The following UGT1A9 variants were observed in gnomAD, a reference collection of about 807,000 sequenced individuals.
UGT1A9 encodes UDP-glucuronosyltransferase 1A9.
A neutral mutation model predicts 45.0 loss-of-function variants in UGT1A9; 35 were observed. That is an observed-to-expected ratio of 0.78 (90% CI 0.59 to 1.03). The LOEUF (loss-of-function observed/expected upper bound fraction) is 1.03, where lower values mean the gene tolerates loss of function less well. Ranked by LOEUF, UGT1A9 falls within the 50% of genes least tolerant of loss-of-function variation. UGT1A9 has a pLI of 0.00. For missense variants in UGT1A9, 687 were observed against 666.6 expected (o/e 1.03, Z -0.34); for synonymous variants, 278 against 250.6 (o/e 1.11, Z -1.03).
intron 1 of UGT1A9, chr2:233,754,324 G>A (rs1695452897): frequency 4.1e-6 from 1 of 246,506 alleles, no homozygotes; most frequent in South Asian, 5.3e-5. Context: ...TCTGCCTCAG[G>A]CTTAAGTTTA....
intron 1 of UGT1A9, among the ~76,000 whole-genome samples, chr2:233,765,526 T>G (rs1002018733): frequency 1.3e-5 from 2 of 151,960 alleles, no homozygotes; most frequent in East Asian, 3.9e-4. Flanking sequence ...AAACACCGCA[T>G]GTTCTCACTC....
In UGT1A9 at chr2:233,772,560, G is replaced by A. The variant is rs773424672; in HGVS notation, c.*1G>A. On this transcript the variant is annotated 3_prime_UTR_variant, in exon 5 of 5. Coordinates refer to ENST00000354728, the MANE Select transcript of UGT1A9 (RefSeq NM_021027.3). Reference sequence around the variant, plus strand: ...AGCCCACAAATCCAAGACCCATTGAGAAGTGGGTGGGAAATAAGGTAAAAT... The same window carrying A: ...AGCCCACAAATCCAAGACCCATTGAAAAGTGGGTGGGAAATAAGGTAAAAT... 4 of 1,613,722 alleles carry A rather than the reference G, an allele frequency of 2.5e-6. No homozygotes were observed. The South Asian group carries it at 3.3e-5, about 13-fold the overall frequency.
At chr2:233,713,858 G>C (rs1294382978) in intron 1 of UGT1A9, 5 of 1,613,740 alleles carry the variant, frequency 3.1e-6, no homozygotes, top group African/African-American at 1.3e-5. Flanking sequence ...CACTATCTCA[G>C]GTCTGTATTG....
At chr2:233,747,229 C>A in intron 1 of UGT1A9, 1 of 1,605,300 alleles carries the variant, frequency 6.2e-7, no homozygotes, top group Non-Finnish European at 8.5e-7. Flanking sequence ...CACAGGACCC[C>A]AGGTTCCCCT....
chr2:233,748,002 G>C (rs1380342969), intron 1 of UGT1A9: 18 of 1,613,382 alleles, frequency 1.1e-5, no homozygotes, highest in Non-Finnish European at 1.4e-5. Flanking sequence ...CTTTGTGATG[G>C]ATTACCCCAG....
At chr2:233,674,309 A>G (rs983247103) in intron 1 of UGT1A9, among the ~76,000 whole-genome samples, 2 of 152,182 alleles carry the variant, frequency 1.3e-5, no homozygotes, top group African/African-American at 4.8e-5. Context: ...TCGGATCTTC[A>G]CAAGACTAGG....
intron 1 of UGT1A9, among the ~76,000 whole-genome samples, chr2:233,726,597 T>C (rs1191602652): frequency 6.6e-6 from 1 of 152,194 alleles, no homozygotes; most frequent in Non-Finnish European, 1.5e-5. Flanking sequence ...AGAGCCCTTG[T>C]GATTACACTG....
chr2:233,768,263 T>C lies in UGT1A9; in HGVS notation c.1119T>C (p.His373=), dbSNP rs1699595501. The C allele has an allele frequency of 2.5e-6, 4 of 1,614,154 alleles. No individual in the cohort carries two copies. Among genetic ancestry groups the C allele is most frequent in the Non-Finnish European group, 3.4e-6 (4 of 1,180,014 alleles). ...CCTTTATCACCCATGCTGGTTCCCA[T>C]GGTGTTTATGAAAGCATATGCAATG... The part of the protein sequence containing the change: ...TRAFITHAGS[H]GVYESICNGV... Residue 373 remains histidine (H), a synonymous_variant, in exon 4 of 5, where the codon CAT becomes CAC. Coordinates refer to ENST00000354728, the MANE Select transcript of UGT1A9 (RefSeq NM_021027.3).
At chr2:233,748,117 C>G in intron 1 of UGT1A9, 1 of 1,611,604 alleles carries the variant, frequency 6.2e-7, no homozygotes, top group Non-Finnish European at 8.5e-7. Context: ...ATGTTCCAGG[C>G]AAAACAGTTT....
intron 1 of UGT1A9, among the ~76,000 whole-genome samples, chr2:233,684,889 G>C (rs2074708348): frequency 6.6e-6 from 1 of 152,130 alleles, no homozygotes; most frequent in Non-Finnish European, 1.5e-5. Flanking sequence ...GTGTGTCTTG[G>C]AAAAGTATAC....
At position 233,736,090 on chromosome 2, in the gene UGT1A9, T is replaced by C. The variant is rs1422886640; in HGVS notation, c.856-30944T>C. ...AGGTTTGGGAAGTTCTCCTGGATAA[T>C]ATCCTGAAGAGTGTTTTCCAACTTG... On this transcript the variant is annotated intron_variant, in intron 1 of 4. Coordinates refer to ENST00000354728, the MANE Select transcript of UGT1A9 (RefSeq NM_021027.3). Among the ~76,000 whole-genome samples, 4 of 152,378 alleles carry C rather than the reference T, an allele frequency of 2.6e-5. No homozygotes were observed. The East Asian group carries it at 7.7e-4, about 29-fold the overall frequency.
rs374047963 is a variant in UGT1A9 at position 233,768,235 on chromosome 2, G to C, written c.1091G>C (p.Arg364Pro). 6.2e-7 allele frequency: 1 copy of C among 1,614,136 alleles called. No individual in the cohort carries two copies. The highest frequency in any genetic ancestry group is 1.3e-5 in the African/African-American group (1 of 75,020). Reference sequence around the variant, plus strand: ...TGCATCTCAGGTCACCCGATGACCCGTGCCTTTATCACCCATGCTGGTTCC... The same window carrying C: ...TGCATCTCAGGTCACCCGATGACCCCTGCCTTTATCACCCATGCTGGTTCC... ...QNDLLGHPMT[R>P]AFITHAGSHG... Residue 364 changes from arginine to proline, a missense_variant, in exon 4 of 5, where the codon CGT becomes CCT. Arg to Pro is a moderately radical substitution (Grantham distance 103). Transcript: ENST00000354728.
intron 1 of UGT1A9, among the ~76,000 whole-genome samples, chr2:233,698,935 C>T (rs1430482014): frequency 6.6e-6 from 1 of 152,234 alleles, no homozygotes; most frequent in Non-Finnish European, 1.5e-5. Flanking sequence ...CAGAGGGCTG[C>T]TTGGTTTCTG....
At chr2:233,705,061 G>A (rs10180090) in intron 1 of UGT1A9, among the ~76,000 whole-genome samples, 62,946 of 151,510 alleles carry the variant, frequency 0.42, 13,988 homozygotes, top group African/African-American at 0.57. Context: ...GCTTGAACCC[G>A]GGAGGCGGAG....
chr2:233,711,966 T>C (rs1367774321), intron 1 of UGT1A9, among the ~76,000 whole-genome samples: 8 of 152,232 alleles, frequency 5.3e-5, no homozygotes, highest in African/African-American at 1.7e-4. Context: ...ATTTTGAAAT[T>C]TGAACTAGAG....
chr2:233,686,427 A>C (rs978923716), intron 1 of UGT1A9, among the ~76,000 whole-genome samples: 2 of 152,154 alleles, frequency 1.3e-5, no homozygotes, highest in African/African-American at 4.8e-5. Flanking sequence ...AAACACACGC[A>C]TGCTTGACAT....
chr2:233,684,896 A>G (rs950452204), intron 1 of UGT1A9, among the ~76,000 whole-genome samples: 4 of 152,178 alleles, frequency 2.6e-5, no homozygotes, highest in African/African-American at 9.7e-5. Flanking sequence ...TTGGAAAAGT[A>G]TACAGTTTTT....
chr2:233,693,905 C>T, intron 1 of UGT1A9: 1 of 1,613,116 alleles, frequency 6.2e-7, no homozygotes, highest in Non-Finnish European at 8.5e-7. Context: ...TTGTTTCTTC[C>T]AGGCTCTGTC....
chr2:233,691,690 A>G, intron 1 of UGT1A9: 9 of 347,980 alleles, frequency 2.6e-5, no homozygotes, highest in Non-Finnish European at 3.1e-5. Flanking sequence ...CCTGAAGCTC[A>G]GGAGAGGAGT....
Sources: allele counts gnomAD v4.1 joint callset (sites outside exome capture counted in the v4.1 genomes callset), GRCh38; gene constraint gnomAD v4.1.1; transcripts MANE v1.5; gene names NCBI Gene and HGNC (gene_info 2026-07-23, HGNC 2026-07-21).